VARS1: variants seen among roughly 807,000 people sequenced by gnomAD.
VARS1 encodes valyl-tRNA synthetase 1, also known as valine--tRNA ligase.
A neutral mutation model predicts 161.0 loss-of-function variants in VARS1; 92 were observed. The observed-to-expected ratio is 0.57, with a 90% CI of 0.48 to 0.68. The LOEUF (loss-of-function observed/expected upper bound fraction) is 0.68. Among genes scored for constraint, VARS1 ranks in the 30% least tolerant of loss-of-function variants. The probability of loss-of-function intolerance (pLI) is 0.00; values close to 1 mark genes in which losing one functional copy is unlikely to be tolerated. For synonymous variants in VARS1, 595 were observed against 682.5 expected (o/e 0.87, Z 2.00); for missense variants, 1,338 against 1,695.9 (o/e 0.79, Z 3.71).
chr6:31,786,367 T>C (rs1029825257), intron 8 of VARS1, among the ~76,000 whole-genome samples: 14 of 151,350 alleles, frequency 9.3e-5, no homozygotes, highest in Non-Finnish European at 8.8e-5. Flanking sequence ...CAAGGCAATA[T>C]GGAAAAAGAA....
chr6:31,790,855 G>A (rs183346334), intron 8 of VARS1, among the ~76,000 whole-genome samples: 267 of 152,218 alleles, frequency 1.8e-3, no homozygotes, highest in Middle Eastern at 3.4e-3. Flanking sequence ...CTATGGGTAC[G>A]TGTATATGTA....
chr6:31,780,391 G>T lies in VARS1; in HGVS notation c.2925+50C>A. Reference sequence around the variant, plus strand: ...CTACATGGAGGCTGCTCCGGACAGGGGTACAGCCTGTGTGAGTGCTGCCAG... The same window carrying T: ...CTACATGGAGGCTGCTCCGGACAGGTGTACAGCCTGTGTGAGTGCTGCCAG... On this transcript the variant is annotated intron_variant, in intron 25 of 29. Coordinates refer to ENST00000375663, the MANE Select transcript of VARS1 (RefSeq NM_006295.3). This position sits in a 1 kb window ranked among gnomAD's most constrained non-coding sequence, Gnocchi z 5.1. The T allele has an allele frequency of 6.3e-7, 1 of 1,593,700 alleles. No individual in the cohort carries two copies. The highest frequency in any genetic ancestry group is 8.5e-7 in the Non-Finnish European group (1 of 1,169,792).
chr6:31,788,911 T>G (rs879439600), intron 8 of VARS1, among the ~76,000 whole-genome samples: 2 of 151,150 alleles, frequency 1.3e-5, no homozygotes, highest in African/African-American at 4.9e-5. Context: ...ATATTCCCAG[T>G]GCTCAGAGCA....
At position 31,785,203 on chromosome 6, in the gene VARS1, A is replaced by G; in HGVS notation, c.1347+43T>C. 1 of 1,609,820 alleles carries G rather than the reference A, an allele frequency of 6.2e-7. No individual in the cohort carries two copies. On this transcript the variant is annotated intron_variant, in intron 10 of 29. Transcript: ENST00000375663. The surrounding 1 kb of genome is among the most constrained non-coding windows in gnomAD (Gnocchi z 6.1). Reference sequence around the variant, plus strand: ...CTCCTGTGGGGGTCCCACCCTGGGGAGACTCCTACTCCTGCCCCAGCTTTG... The same window carrying G: ...CTCCTGTGGGGGTCCCACCCTGGGGGGACTCCTACTCCTGCCCCAGCTTTG...
chr6:31,795,140 C>A lies in VARS1; in HGVS notation c.78G>T (p.Glu26Asp), dbSNP rs755570137. The A allele has an allele frequency of 4.0e-6, 6 of 1,486,178 alleles. No homozygotes were observed. The highest frequency in any genetic ancestry group is 1.4e-5 in the South Asian group (1 of 72,312). The allele number at this position is 1,486,178 out of a possible 1,614,324, so 92.1% of individuals were successfully genotyped here. A position where few individuals can be genotyped will look rare whatever the true frequency, so the allele number is the denominator to read the frequency against. ...LRALIAARYG[E>D]AGEGPGWGGA... ...CTCCCCATCCGGGACCCTCCCCAGC[C>A]TCCCCATAGCGAGCGGCTATGAGGG... Residue 26 changes from glutamate (E) to aspartate (D), a missense_variant, in exon 2 of 30, where the codon GAG (glutamate) becomes GAT (aspartate). Physicochemically the swap from Glu to Asp is conservative, Grantham distance 45 (BLOSUM62 2). Coordinates refer to ENST00000375663, the MANE Select transcript of VARS1 (RefSeq NM_006295.3). This position sits in a 1 kb window ranked among gnomAD's most constrained non-coding sequence, Gnocchi z 6.9.
In VARS1 at chr6:31,782,348, C is replaced by G; in HGVS notation, c.2087G>C (p.Gly696Ala). The change falls in exon 17 of 30, where the codon GGT becomes GCT. Residue 696 changes from glycine (G) to alanine (A), a missense_variant. By Grantham distance (60) the Gly-to-Ala change is moderately conservative. Coordinates refer to ENST00000375663, the MANE Select transcript of VARS1 (RefSeq NM_006295.3). The surrounding 1 kb of genome is among the most constrained non-coding windows in gnomAD (Gnocchi z 8.3). The stretch of plus-strand genomic sequence containing the variant: ...GGCCTCAGGCAGGATGCGGAGGTCA[C>G]CCCGAGTCACAGCGGCGCTGGCAGC... ...AQAASAAVTR[G>A]DLRILPEAHQ... 6.2e-7 allele frequency: 1 copy of G among 1,612,868 alleles called. No homozygotes were observed. The highest frequency in any genetic ancestry group is 8.5e-7 in the Non-Finnish European group (1 of 1,179,956).
In VARS1 at chr6:31,778,297, T is replaced by A. The variant is rs1812873570; in HGVS notation, c.3727-635A>T. The A allele has an allele frequency of 6.4e-6, 1 of 157,078 alleles. No individual in the cohort carries two copies. The highest frequency in any genetic ancestry group is 6.1e-5 in the Admixed American group (1 of 16,430). The allele number at this position is 157,078 out of a possible 1,614,324, so 9.7% of individuals were successfully genotyped here. A position where few individuals can be genotyped will look rare whatever the true frequency, so the allele number is the denominator to read the frequency against. ...GGGCAGCTGGGTGGGGTACGAAGGG[T>A]CTGGCTGGGAGATAGGATGCCTGGT... On this transcript the variant is annotated intron_variant, in intron 29 of 29. Coordinates refer to ENST00000375663, the MANE Select transcript of VARS1 (RefSeq NM_006295.3). This position sits in a 1 kb window ranked among gnomAD's most constrained non-coding sequence, Gnocchi z 5.1.
In VARS1 at chr6:31,781,466, C is replaced by T. The variant is rs751325694; in HGVS notation, c.2544+15G>A. Reference sequence around the variant, plus strand: ...GAGGCTGGGGGCGATGGGAGGGTCTCGGCTGTCTCCGCACCTCTCTAAAGG... The same window carrying T: ...GAGGCTGGGGGCGATGGGAGGGTCTTGGCTGTCTCCGCACCTCTCTAAAGG... On this transcript the variant is annotated intron_variant, in intron 21 of 29. Coordinates refer to ENST00000375663, the MANE Select transcript of VARS1 (RefSeq NM_006295.3). The surrounding 1 kb of genome is among the most constrained non-coding windows in gnomAD (Gnocchi z 6.8). 42 of 1,610,126 alleles carry T rather than the reference C, an allele frequency of 2.6e-5. No homozygotes were observed. Among genetic ancestry groups the T allele is most frequent in the Admixed American group, 1.5e-4 (9 of 59,658 alleles).
chr6:31,794,701 T>C (rs992341652), intron 2 of VARS1, 130 bp downstream of exon 2: 14 of 1,300,454 alleles, frequency 1.1e-5, no homozygotes, highest in Non-Finnish European at 1.2e-5. Context: ...ACCATACCAG[T>C]TGGCAATCTG....
chr6:31,781,055 G>T lies in VARS1; in HGVS notation c.2613C>A (p.Ile871=), dbSNP rs746462325. The change falls in exon 22 of 30, where the codon ATC becomes ATA. Residue 871 remains isoleucine, a synonymous_variant. Coordinates refer to ENST00000375663, the MANE Select transcript of VARS1 (RefSeq NM_006295.3). The surrounding 1 kb of genome is among the most constrained non-coding windows in gnomAD (Gnocchi z 6.8). ...TTCCATAGATGACGTCCAGGGGATCGATGACATTGCCTAGAGACTTGCTCA... is the reference window on the plus strand; with the variant it reads ...TTCCATAGATGACGTCCAGGGGATCTATGACATTGCCTAGAGACTTGCTCA... ...RKMSKSLGNV[I]DPLDVIYGIS... 3 of 1,613,862 alleles carry T rather than the reference G, an allele frequency of 1.9e-6. No homozygotes were observed. The highest frequency in any genetic ancestry group is 2.5e-6 in the Non-Finnish European group (3 of 1,180,032).
Position 31,782,461 on chromosome 6 carries a change from T to C in VARS1, c.1992-18A>G. ...TCGACCGGCTGGGGGTACACGTAGGTGAGAAGGCCAGGCGGTAAAACCCTG... is the reference window on the plus strand; with the variant it reads ...TCGACCGGCTGGGGGTACACGTAGGCGAGAAGGCCAGGCGGTAAAACCCTG... On this transcript the variant is annotated intron_variant, in intron 16 of 29. Transcript: ENST00000375663. This position sits in a 1 kb window ranked among gnomAD's most constrained non-coding sequence, Gnocchi z 8.3. The C allele has an allele frequency of 1.2e-6, 2 of 1,611,692 alleles. No individual in the cohort carries two copies. The highest frequency in any genetic ancestry group is 8.5e-7 in the Non-Finnish European group (1 of 1,179,336).
Position 31,782,660 on chromosome 6 carries a change from G to A in VARS1, c.1888-27C>T, listed in dbSNP as rs749613004. 54 of 1,612,956 alleles carry A rather than the reference G, an allele frequency of 3.3e-5. No homozygotes were observed. The highest frequency in any genetic ancestry group is 4.2e-5 in the Non-Finnish European group (50 of 1,180,034). On this transcript the variant is annotated intron_variant, in intron 15 of 29. Coordinates refer to ENST00000375663, the MANE Select transcript of VARS1 (RefSeq NM_006295.3). The surrounding 1 kb of genome is among the most constrained non-coding windows in gnomAD (Gnocchi z 8.3). ...TGGGTAGGAATGAGGCCTCATCATGGCGATGCCCAGCCATCCCTCCATCTC... is the reference window on the plus strand; with the variant it reads ...TGGGTAGGAATGAGGCCTCATCATGACGATGCCCAGCCATCCCTCCATCTC...
In VARS1 at chr6:31,781,883, A is replaced by G. The variant is rs1284073987; in HGVS notation, c.2311T>C (p.Phe771Leu). ...CTGATCTTGTCAGGGGACACTCCGA[A>G]CTCCTTGGCTGCCTTCTCCCGGGCC... Reference protein sequence around the residue: ...AEAREKAAKEFGVSPDKISLQ... With the variant: ...AEAREKAAKELGVSPDKISLQ... Residue 771 changes from phenylalanine to leucine, a missense_variant, in exon 19 of 30, where the codon TTC (phenylalanine) becomes CTC (leucine). Transcript: ENST00000375663. This position sits in a 1 kb window ranked among gnomAD's most constrained non-coding sequence, Gnocchi z 6.8. 1 of 1,612,408 alleles carries G rather than the reference A, an allele frequency of 6.2e-7. No individual in the cohort carries two copies. The highest frequency in any genetic ancestry group is 1.1e-5 in the South Asian group (1 of 91,068).
rs2151435241 is a variant in VARS1, at chr6:31,793,069, G to A, written c.439C>T (p.Arg147Trp). Residue 147 changes from arginine (R) to tryptophan (W), a missense_variant, in exon 3 of 30, where the codon CGG (arginine) becomes TGG (tryptophan). This residue lies in a region of VARS1 where 902 missense variants were observed against 1,090.3 expected (regional missense o/e 0.83). Transcript: ENST00000375663. ...TCCCCGGCCAAGTAGGTGTGCAGCC[G>A]AAGCCACTCCTCCAAGGGGCTCAGG... ...RALSPLEEWL[R>W]LHTYLAGEAP... The A allele has an allele frequency of 3.1e-6, 5 of 1,612,858 alleles. No homozygotes were observed. The highest frequency in any genetic ancestry group is 1.7e-4 in the Middle Eastern group (1 of 6,038).
At chr6:31,787,008 T>C (rs963682052) in intron 8 of VARS1, among the ~76,000 whole-genome samples, 1 of 150,510 alleles carries the variant, frequency 6.6e-6, no homozygotes, top group African/African-American at 2.4e-5. Flanking sequence ...AGAGGACTGC[T>C]TGAGCCCAGG....
rs1191863263 is a variant in VARS1 at position 31,782,602 on chromosome 6, A to G, written c.1919T>C (p.Val640Ala). The G allele has an allele frequency of 1.9e-6, 3 of 1,612,870 alleles. No homozygotes were observed. In the African/African-American group the frequency reaches 4.0e-5, roughly 22 times the overall value. Reference sequence around the variant, plus strand: ...TCCCCGCTCCTTCAGCGCCACCAGCACCGCTTTCCTGGCCTCAAACCTGGG... The same window carrying G: ...TCCCCGCTCCTTCAGCGCCACCAGCGCCGCTTTCCTGGCCTCAAACCTGGG... ...GLPRFEARKA[V>A]LVALKERGLF... Residue 640 changes from valine (V) to alanine (A), a missense_variant, in exon 16 of 30, where the codon GTG (valine) becomes GCG (alanine). Around this residue, in one of 3 missense-constraint regions of VARS1, gnomAD observed 902 missense variants for 1,090.3 expected, o/e 0.83. Transcript: ENST00000375663. This position sits in a 1 kb window ranked among gnomAD's most constrained non-coding sequence, Gnocchi z 8.3.
At chr6:31,783,612 C>CA (rs1245493752) in intron 13 of VARS1, among the ~76,000 whole-genome samples, 1 of 151,690 alleles carries the variant, frequency 6.6e-6, no homozygotes, top group Middle Eastern at 3.2e-3. Context: ...TCCTTGAGGC[C>CA]AGGAGTTCAA....
Position 31,782,675 on chromosome 6 carries a change from C to A in VARS1, c.1888-42G>T, listed in dbSNP as rs1008153603. On this transcript the variant is annotated intron_variant, in intron 15 of 29. Coordinates refer to ENST00000375663, the MANE Select transcript of VARS1 (RefSeq NM_006295.3). This position sits in a 1 kb window ranked among gnomAD's most constrained non-coding sequence, Gnocchi z 8.3. ...CCTCATCATGGCGATGCCCAGCCAT[C>A]CCTCCATCTCCCTGACCCGGGCACT... 1.2e-6 allele frequency: 2 copies of A among 1,612,954 alleles called. No homozygotes were observed. Among genetic ancestry groups the A allele is most frequent in the African/African-American group, 2.7e-5 (2 of 74,952 alleles).
intron 8 of VARS1, among the ~76,000 whole-genome samples, chr6:31,786,117 G>T (rs1227952608): frequency 2.0e-5 from 3 of 152,184 alleles, no homozygotes; most frequent in African/African-American, 7.2e-5. Context: ...AAAATTAGCT[G>T]GGCGTGGTGG....
Sources: gnomAD v4.1 joint callset for allele counts (sites outside exome capture counted in the v4.1 genomes callset) on GRCh38, gnomAD v4.1.1 for gene constraint, gnomAD v4.1.1 regional missense constraint, Gnocchi (gnomAD v3.1) non-coding constraint, MANE v1.5 for transcripts, NCBI Gene and HGNC (gene_info 2026-07-23, HGNC 2026-07-21) for gene names.